The following DOCK8 variants were observed in gnomAD, a reference collection of about 807,000 sequenced individuals.
DOCK8 encodes the protein dedicator of cytokinesis 8.
In DOCK8, 141 loss-of-function variants were observed where a neutral mutation model predicts 245.6. The ratio of observed to expected loss-of-function variants is 0.57; its 90% CI spans 0.50 to 0.66. The LOEUF is 0.66. DOCK8 is among the 30% of genes least tolerant of loss of function. DOCK8 has a pLI of 0.00. For missense variants in DOCK8, 2,965 were observed against 2,603.4 expected (o/e 1.14, Z -3.02); for synonymous variants, 1,168 against 970.2 (o/e 1.20, Z -3.79).
intron 33 of DOCK8, among the ~76,000 whole-genome samples, chr9:426,551 G>C (rs2056508846): frequency 6.6e-6 from 1 of 152,202 alleles, no homozygotes; most frequent in South Asian, 2.1e-4. Context: ...CCATGGCCCT[G>C]AGGCTTTAGG....
intron 26 of DOCK8, among the ~76,000 whole-genome samples, chr9:400,039 ACCACC>A (rs2054710557): frequency 8.6e-6 from 1 of 115,982 alleles, no homozygotes; most frequent in Non-Finnish European, 1.7e-5. Context: ...CATCACCACC[ACCACC>A]TCCACCATCA....
chr9:420,094 G>C (rs773404821), intron 30 of DOCK8: 1 of 444,952 alleles, frequency 2.2e-6, no homozygotes, highest in Non-Finnish European at 4.2e-6. Flanking sequence ...CATGATCAAG[G>C]CCCAGGGGTG....
chr9:216,553 A>T (rs1451723622), intron 1 of DOCK8, among the ~76,000 whole-genome samples: 1 of 151,432 alleles, frequency 6.6e-6, no homozygotes, highest in Non-Finnish European at 1.5e-5. Flanking sequence ...AAAAAAAAAA[A>T]AAGCAAAAAC....
chr9:310,103 A>G (rs1045815058), intron 5 of DOCK8, among the ~76,000 whole-genome samples: 2 of 152,176 alleles, frequency 1.3e-5, no homozygotes, highest in East Asian at 3.9e-4. Flanking sequence ...CCCTGTCTCT[A>G]CTAAAAATAC....
intron 14 of DOCK8, among the ~76,000 whole-genome samples, chr9:357,532 C>G (rs2052502071): frequency 1.3e-5 from 2 of 151,954 alleles, no homozygotes; most frequent in Admixed American, 6.6e-5. Flanking sequence ...ATTACAAAAT[C>G]ATAGAGAAAG....
intron 12 of DOCK8, among the ~76,000 whole-genome samples, chr9:337,943 C>G (rs559523261): frequency 3.9e-4 from 60 of 152,228 alleles, no homozygotes; most frequent in Non-Finnish European, 7.6e-4. Flanking sequence ...TATGTGAGGT[C>G]AGGAGTTCAA....
At chr9:264,656 T>C (rs557909337) in intron 1 of DOCK8, among the ~76,000 whole-genome samples, 1 of 152,336 alleles carries the variant, frequency 6.6e-6, no homozygotes, top group South Asian at 2.1e-4. Flanking sequence ...TAGAGATCTA[T>C]AGATATATGT....
chr9:389,619 G>GCAC (rs974413906), intron 23 of DOCK8, among the ~76,000 whole-genome samples: 6 of 147,874 alleles, frequency 4.1e-5, no homozygotes, highest in African/African-American at 1.5e-4. Context: ...AGCAGCAGCA[G>GCAC]CACCCAGGAA....
intron 35 of DOCK8, 24 bp downstream of exon 35, chr9:428,520 T>A: frequency 6.2e-7 from 1 of 1,613,854 alleles, no homozygotes; most frequent in Non-Finnish European, 8.5e-7. Flanking sequence ...GCTTGTTTTC[T>A]TCCTCTTAAT....
chr9:366,803 C>CT (rs2053023505), intron 14 of DOCK8, among the ~76,000 whole-genome samples: 1 of 152,128 alleles, frequency 6.6e-6, no homozygotes, highest in Non-Finnish European at 1.5e-5. Context: ...TTGCAGAGCA[C>CT]TAGGGCTCTG....
At chr9:230,227 C>T (rs1395085635) in intron 1 of DOCK8, among the ~76,000 whole-genome samples, 1 of 152,106 alleles carries the variant, frequency 6.6e-6, no homozygotes, top group Non-Finnish European at 1.5e-5. Context: ...CTACAAAGGA[C>T]ACAAACTCAT....
chr9:231,390 T>G (rs1381380845), intron 1 of DOCK8, among the ~76,000 whole-genome samples: 1 of 152,144 alleles, frequency 6.6e-6, no homozygotes, highest in Non-Finnish European at 1.5e-5. Flanking sequence ...TGCAGGCTCT[T>G]TTTTGGTTCC....
At chr9:379,612 G>A (rs1017301559) in intron 20 of DOCK8, among the ~76,000 whole-genome samples, 159 bp from the exon 21 acceptor site, 2 of 152,204 alleles carry the variant, frequency 1.3e-5, no homozygotes, top group Non-Finnish European at 2.9e-5. Flanking sequence ...GTGGTACTCA[G>A]AGCCAGCATG....
At position 254,966 on chromosome 9, in the gene DOCK8, A is replaced by T. The variant is rs1336082224; in HGVS notation, c.54-16661A>T. Among the ~76,000 whole-genome samples the T allele has an allele frequency of 3.3e-5, 5 of 152,178 alleles. No homozygotes were observed. In the East Asian group the frequency reaches 7.7e-4, roughly 23 times the overall value. On this transcript the variant is annotated intron_variant, in intron 1 of 47. Coordinates refer to ENST00000432829, the MANE Select transcript of DOCK8 (RefSeq NM_203447.4). ...GCATGGTTGATCAGTTCTTTAGCAG[A>T]TTCTTATTTTTGTATGCTAAAGTTT...
intron 19 of DOCK8, among the ~76,000 whole-genome samples, chr9:376,574 C>G (rs1360128780): frequency 6.7e-6 from 1 of 149,580 alleles, no homozygotes; most frequent in African/African-American, 2.6e-5. Flanking sequence ...TTGAAACTCT[C>G]ATCTGCTGTT....
intron 46 of DOCK8, among the ~76,000 whole-genome samples, chr9:458,578 G>A (rs1436562437): frequency 6.6e-6 from 1 of 152,208 alleles, no homozygotes; most frequent in Non-Finnish European, 1.5e-5. Context: ...GGGAGGCTGA[G>A]GTGGGCGGAT....
chr9:459,480 T>C (rs1254321904), intron 46 of DOCK8, among the ~76,000 whole-genome samples: 1 of 152,222 alleles, frequency 6.6e-6, no homozygotes, highest in Non-Finnish European at 1.5e-5. Context: ...CCTCACAATT[T>C]AGTGGCTTAA....
rs578249389 is a variant in DOCK8, at chr9:446,309, C to T, written c.5581-61C>T. On this transcript the variant is annotated intron_variant, in intron 43 of 47. Transcript: ENST00000432829. Reference sequence around the variant, plus strand: ...CGTGTTCCTGCATGCCCCTCCATTGCGTCAGGGATGGCCGTTTGCAGAATA... The same window carrying T: ...CGTGTTCCTGCATGCCCCTCCATTGTGTCAGGGATGGCCGTTTGCAGAATA... 14 of 1,401,124 alleles carry T rather than the reference C, an allele frequency of 1.0e-5. No homozygotes were observed. In the East Asian group the frequency reaches 1.1e-4, roughly 11 times the overall value. 86.8% of individuals were successfully genotyped at this position (1,401,124 alleles called of 1,614,324 possible). A position where few individuals can be genotyped will look rare whatever the true frequency, so the allele number is the denominator to read the frequency against.
intron 2 of DOCK8, among the ~76,000 whole-genome samples, chr9:276,212 T>C (rs2048341429): frequency 6.6e-6 from 1 of 152,146 alleles, no homozygotes; most frequent in Non-Finnish European, 1.5e-5. Context: ...ACTTTAAAGG[T>C]AGACGTATTC....
Sources: gnomAD v4.1 joint callset for allele counts (sites outside exome capture counted in the v4.1 genomes callset) on GRCh38, gnomAD v4.1.1 for gene constraint, MANE v1.5 for transcripts, NCBI Gene and HGNC (gene_info 2026-07-23, HGNC 2026-07-21) for gene names.